Variants in RPS6KA5 observed in about 807,000 individuals in gnomAD.
The protein encoded by RPS6KA5 is ribosomal protein S6 kinase A5.
RPS6KA5 carries 27 observed loss-of-function variants against 85.5 expected under a neutral mutation model. The ratio of observed to expected loss-of-function variants is 0.32; its 90% CI spans 0.23 to 0.44. RPS6KA5 has a LOEUF of 0.44. Ranked by LOEUF, RPS6KA5 falls within the 20% of genes least tolerant of loss-of-function variation. The pLI, the probability that RPS6KA5 is intolerant of heterozygous loss-of-function variation, is 1.00. For missense variants in RPS6KA5, 811 were observed against 980.9 expected (o/e 0.83, Z 2.31); for synonymous variants, 334 against 348.2 (o/e 0.96, Z 0.46).
intron 1 of RPS6KA5, among the ~76,000 whole-genome samples, chr14:91,027,326 G>T (rs924768611): frequency 1.3e-5 from 2 of 152,120 alleles, no homozygotes; most frequent in Non-Finnish European, 2.9e-5. Context: ...TCTGCATATG[G>T]CTAGCCAGTT....
chr14:90,968,147 T>C (rs1595362961), intron 3 of RPS6KA5, among the ~76,000 whole-genome samples: 3 of 152,168 alleles, frequency 2.0e-5, no homozygotes, highest in South Asian at 2.1e-4. Flanking sequence ...TTCCTGGCCT[T>C]TTCTAGCTTC....
chr14:90,967,964 C>T (rs1408786853), intron 3 of RPS6KA5, among the ~76,000 whole-genome samples: 1 of 152,188 alleles, frequency 6.6e-6, no homozygotes, highest in Non-Finnish European at 1.5e-5. Flanking sequence ...TCCTTACCCA[C>T]TGTTCCCTTC....
At chr14:90,930,569 T>A (rs1286122) in intron 5 of RPS6KA5, among the ~76,000 whole-genome samples, 121,760 of 152,056 alleles carry the variant, frequency 0.8, 49,058 homozygotes, top group East Asian at 0.97. Flanking sequence ...AACTTCTGAA[T>A]ATCGAAGGAA....
intron 3 of RPS6KA5, among the ~76,000 whole-genome samples, chr14:90,972,878 A>G (rs1350196636): frequency 1.3e-5 from 2 of 152,236 alleles, no homozygotes; most frequent in Non-Finnish European, 2.9e-5. Flanking sequence ...CTAGAAATTG[A>G]GAGGAAAAAA....
chr14:90,999,518 G>A (rs1264592691), intron 2 of RPS6KA5, among the ~76,000 whole-genome samples: 1 of 152,140 alleles, frequency 6.6e-6, no homozygotes, highest in Non-Finnish European at 1.5e-5. Flanking sequence ...AGGAGGGGGA[G>A]GGGAAGAGTT....
At chr14:90,873,585 T>C (rs767639726) in intron 16 of RPS6KA5, 47 bp downstream of exon 16, 1 of 1,504,798 alleles carries the variant, frequency 6.6e-7, no homozygotes, top group Non-Finnish European at 9.0e-7. Flanking sequence ...CATTTGATTA[T>C]GATTCCTACT....
chr14:90,939,442 G>A (rs1020010559), intron 5 of RPS6KA5, among the ~76,000 whole-genome samples: 1 of 152,140 alleles, frequency 6.6e-6, no homozygotes, highest in African/African-American at 2.4e-5. Flanking sequence ...CCCACTCGTG[G>A]TACCAATTTA....
chr14:90,903,445 G>C lies in RPS6KA5; in HGVS notation c.958-476C>G, dbSNP rs112373200. ...CTGCCTGCACTTGCTTTTCCTCCTG[G>C]GCATCCAGACAGACTGGAAAATAAA... On this transcript the variant is annotated intron_variant, in intron 8 of 16. Coordinates refer to ENST00000614987, the MANE Select transcript of RPS6KA5 (RefSeq NM_004755.4). Among the ~76,000 whole-genome samples the C allele has an allele frequency of 4.4e-3, 670 of 152,250 alleles. 1 individual carries two copies. Among genetic ancestry groups the C allele is most frequent in the South Asian group, 0.016 (75 of 4,806 alleles).
At chr14:90,898,660 G>C (rs10133990) in intron 12 of RPS6KA5, among the ~76,000 whole-genome samples, 3,465 of 152,310 alleles carry the variant, frequency 0.023, 30 homozygotes, top group South Asian at 0.039. Context: ...AAGTAGGACT[G>C]CATCACCCCA....
chr14:90,902,764 A>C (rs2035245600), intron 9 of RPS6KA5, 44 bp downstream of exon 9: 2 of 1,539,052 alleles, frequency 1.3e-6, no homozygotes, highest in Non-Finnish European at 8.8e-7. Context: ...TTTTCTTTCA[A>C]AGGACATATG....
intron 14 of RPS6KA5, among the ~76,000 whole-genome samples, chr14:90,879,020 T>C (rs959370410): frequency 6.6e-6 from 1 of 152,230 alleles, no homozygotes; most frequent in African/African-American, 2.4e-5. Flanking sequence ...TGAAGTATTC[T>C]GGTGCAAGGT....
chr14:90,890,688 A>T lies in RPS6KA5; in HGVS notation c.1645-10T>A, dbSNP rs761078326. ...CGGTGAACAATAAATTCTGCAAGAT[A>T]TCAATGCTTACATTAGTTTCTCACT... is the stretch of plus-strand genomic sequence containing the variant. On this transcript the variant is annotated splice_polypyrimidine_tract_variant and intron_variant, in intron 13 of 16. Coordinates refer to ENST00000614987, the MANE Select transcript of RPS6KA5 (RefSeq NM_004755.4). 1.7e-5 allele frequency: 27 copies of T among 1,606,224 alleles called. No individual in the cohort carries two copies. Among genetic ancestry groups the T allele is most frequent in the Non-Finnish European group, 2.3e-5 (27 of 1,173,856 alleles).
chr14:90,935,717 T>C (rs1026949786), intron 5 of RPS6KA5, among the ~76,000 whole-genome samples: 2 of 152,220 alleles, frequency 1.3e-5, no homozygotes, highest in African/African-American at 4.8e-5. Flanking sequence ...TCCCTTTAAG[T>C]ACAGATACTC....
At position 90,862,202 on chromosome 14, in the gene RPS6KA5, AG is replaced by A. The variant is rs1311130133; in HGVS notation, c.*9871del. ...TAATTACATTAACTGTAAGTAGACA[AG>A]ATATATTCCAATTAATGACAACTTT... On this transcript the variant is annotated 3_prime_UTR_variant, in exon 17 of 17. Coordinates refer to ENST00000614987, the MANE Select transcript of RPS6KA5 (RefSeq NM_004755.4). 3 of 152,218 alleles carry A rather than the reference AG, an allele frequency of 2.0e-5. No homozygotes were observed. Among genetic ancestry groups the A allele is most frequent in the Non-Finnish European group, 1.5e-5 (1 of 68,042 alleles). 9.4% of individuals were successfully genotyped at this position (152,218 alleles called of 1,614,324 possible).
At chr14:90,961,331 G>A (rs1162784110) in intron 3 of RPS6KA5, among the ~76,000 whole-genome samples, 1 of 152,156 alleles carries the variant, frequency 6.6e-6, no homozygotes, top group Non-Finnish European at 1.5e-5. Flanking sequence ...CTTATGAAGG[G>A]GGAGAGTAAG....
At chr14:90,896,652 C>T (rs2034850962) in intron 12 of RPS6KA5, among the ~76,000 whole-genome samples, 2 of 152,138 alleles carry the variant, frequency 1.3e-5, no homozygotes, top group Admixed American at 1.3e-4. Context: ...CTAGAAGCTA[C>T]AAAAGGAAAG....
rs547178134 is a variant in RPS6KA5 at position 90,890,762 on chromosome 14, T to C, written c.1645-84A>G. 1.1e-4 allele frequency: 136 copies of C among 1,234,866 alleles called. 2 individuals carry two copies. The Admixed American group carries it at 2.3e-3, about 21-fold the overall frequency. 76.5% of individuals were successfully genotyped at this position (1,234,866 alleles called of 1,614,324 possible). A position where few individuals can be genotyped will look rare whatever the true frequency, so the allele number is the denominator to read the frequency against. ...TACTATTTATGTAACACTTTGTATA[T>C]TGATAGTTGATTCATGTGCAGAGAG... On this transcript the variant is annotated intron_variant, in intron 13 of 16. Transcript: ENST00000614987.
intron 7 of RPS6KA5, among the ~76,000 whole-genome samples, chr14:90,915,533 C>T (rs954905746): frequency 2.6e-5 from 4 of 152,054 alleles, no homozygotes; most frequent in African/African-American, 7.2e-5. Flanking sequence ...GGAAGCCAGG[C>T]GCAGTGGCTC....
rs541256669 is a variant in RPS6KA5, at chr14:90,976,203, A to G, written c.394+2103T>C. On this transcript the variant is annotated intron_variant, in intron 3 of 16. Coordinates refer to ENST00000614987, the MANE Select transcript of RPS6KA5 (RefSeq NM_004755.4). ...ATATTGAGTATAGTTAAGAGAACAG[A>G]AAAAAAAAAAAAAAAAAAAGAGAGG... 5.4e-3 allele frequency among the ~76,000 whole-genome samples: 63 copies of G among 11,630 alleles called. No homozygotes were observed. The East Asian group carries it at 0.14, about 25-fold the overall frequency. 7.6% of individuals were successfully genotyped at this position (11,630 alleles called of 152,430 possible).
Sources: allele counts gnomAD v4.1 joint callset (sites outside exome capture counted in the v4.1 genomes callset), GRCh38; gene constraint gnomAD v4.1.1; transcripts MANE v1.5; gene names NCBI Gene and HGNC (gene_info 2026-07-23, HGNC 2026-07-21).